The following ANKS6 variants were observed in gnomAD, a reference collection of about 807,000 sequenced individuals.
ANKS6 encodes the protein ankyrin repeat and SAM domain-containing protein 6.
In ANKS6, 47 loss-of-function variants were observed where a neutral mutation model predicts 77.9. The observed-to-expected ratio is 0.60, with a 90% confidence interval of 0.48 to 0.77. ANKS6 has a LOEUF of 0.77. Ranked by LOEUF, ANKS6 falls within the 30% of genes least tolerant of loss-of-function variation. The pLI is 0.00. For missense variants in ANKS6, 1,150 were observed against 1,159.1 expected (o/e 0.99, Z 0.11); for synonymous variants, 488 against 501.7 (o/e 0.97, Z 0.37).
intron 10 of ANKS6, 118 bp from the exon 11 acceptor site, chr9:98,768,368 T>C (rs1036016150): frequency 3.1e-6 from 4 of 1,286,160 alleles, no homozygotes; most frequent in Admixed American, 3.9e-5. Flanking sequence ...CCCTTCCCCA[T>C]GTGGCTCCAG....
chr9:98,745,864 C>T (rs1832100871), intron 13 of ANKS6, among the ~76,000 whole-genome samples, 189 bp from the exon 14 acceptor site: 1 of 152,178 alleles, frequency 6.6e-6, no homozygotes, highest in South Asian at 2.1e-4. Flanking sequence ...GAACTCTCCT[C>T]AGATCTGGCT....
chr9:98,796,217 G>C lies in ANKS6; in HGVS notation c.275C>G (p.Pro92Arg). The C allele has an allele frequency of 7.1e-7, 1 of 1,414,390 alleles. No homozygotes were observed. The highest frequency in any genetic ancestry group is 9.2e-7 in the Non-Finnish European group (1 of 1,082,998). The allele number at this position is 1,414,390 out of a possible 1,614,324, so 87.6% of individuals were successfully genotyped here. ...GCGGCGCAGCAGGAAGCGCACCAGC[G>C]GTTCGTGGCCCCCGGCCGCGGCGAA... ...LQFAAAGGHEPLVRFLLRRGA... is the reference protein window; with the variant it reads ...LQFAAAGGHERLVRFLLRRGA... Residue 92 changes from proline (P) to arginine (R), a missense_variant, in exon 1 of 15, where the codon CCG becomes CGG. Coordinates refer to ENST00000353234, the MANE Select transcript of ANKS6 (RefSeq NM_173551.5).
chr9:98,773,274 T>G (rs1833737243), intron 9 of ANKS6, among the ~76,000 whole-genome samples: 1 of 152,188 alleles, frequency 6.6e-6, no homozygotes, highest in Non-Finnish European at 1.5e-5. Context: ...GTTTCTCCAA[T>G]CACCCAGCAC....
At chr9:98,741,439 C>CA (rs537910588) in intron 14 of ANKS6, among the ~76,000 whole-genome samples, 14 of 151,614 alleles carry the variant, frequency 9.2e-5, no homozygotes, top group Admixed American at 4.6e-4. Context: ...AAAGAAAAAA[C>CA]AAAAAAAAGG....
chr9:98,774,597 G>A lies in ANKS6; in HGVS notation c.1618-517C>T, dbSNP rs568048830. On this transcript the variant is annotated intron_variant, in intron 8 of 14. Coordinates refer to ENST00000353234, the MANE Select transcript of ANKS6 (RefSeq NM_173551.5). ...AGACCAGCATGAGCAGCCATTGGGA[G>A]TGAAGAAGGAAGCAGGAGGTGATAA... Among the ~76,000 whole-genome samples the A allele has an allele frequency of 2.0e-5, 3 of 152,320 alleles. No homozygotes were observed. In the East Asian group the frequency reaches 5.8e-4, roughly 29 times the overall value.
intron 1 of ANKS6, among the ~76,000 whole-genome samples, chr9:98,795,120 G>C (rs1835104399): frequency 1.3e-5 from 2 of 152,078 alleles, no homozygotes; most frequent in Non-Finnish European, 1.5e-5. Context: ...CCCTCCCCAA[G>C]GGCCAGTCGT....
intron 12 of ANKS6, among the ~76,000 whole-genome samples, chr9:98,752,300 G>A (rs1832473419): frequency 6.6e-6 from 1 of 152,236 alleles, no homozygotes; most frequent in South Asian, 2.1e-4. Context: ...GCATTAGGCA[G>A]CATCCAGACA....
rs146250107 is a variant in ANKS6, at chr9:98,771,683, C to T, written c.1822-637G>A. On this transcript the variant is annotated intron_variant, in intron 9 of 14. Transcript: ENST00000353234. ...GCCTTTGCCCAGGCAGTCTGTTCTA[C>T]ATGGACCCGGCGGCTCCCCCCCATC... Among the ~76,000 whole-genome samples, 356 of 152,248 alleles carry T rather than the reference C, an allele frequency of 2.3e-3. 1 individual carries two copies. The highest frequency in any genetic ancestry group is 8.3e-3 in the African/African-American group (344 of 41,518).
intron 10 of ANKS6, among the ~76,000 whole-genome samples, chr9:98,768,540 G>A (rs764836832): frequency 4.6e-5 from 7 of 152,112 alleles, no homozygotes; most frequent in Non-Finnish European, 8.8e-5. Flanking sequence ...AGCTTGTGCC[G>A]GCCCCCACCA....
chr9:98,767,992 C>T (rs1261383671), intron 11 of ANKS6, 89 bp downstream of exon 11: 8 of 1,484,726 alleles, frequency 5.4e-6, no homozygotes, highest in Non-Finnish European at 6.3e-6. Flanking sequence ...TGTCCCATGA[C>T]TAAGGCACTG....
At chr9:98,779,714 A>T (rs1834126566) in intron 6 of ANKS6, among the ~76,000 whole-genome samples, 1 of 151,746 alleles carries the variant, frequency 6.6e-6, no homozygotes, top group Non-Finnish European at 1.5e-5. Flanking sequence ...CCCAGGCTGG[A>T]GTGCAGTGGC....
At chr9:98,780,380 T>G (rs773320514) in intron 5 of ANKS6, 43 bp from the exon 6 acceptor site, 91 of 1,537,522 alleles carry the variant, frequency 5.9e-5, no homozygotes, top group Non-Finnish European at 7.7e-5. Context: ...AATATGTCTG[T>G]TGGGCCATAA....
chr9:98,750,248 G>A (rs1280695750), intron 13 of ANKS6, among the ~76,000 whole-genome samples: 1 of 145,378 alleles, frequency 6.9e-6, no homozygotes, highest in Non-Finnish European at 1.5e-5. Flanking sequence ...TGCCTAGCCT[G>A]GACATTTCAT....
chr9:98,740,136 T>G (rs1831743725), intron 14 of ANKS6, among the ~76,000 whole-genome samples: 1 of 152,178 alleles, frequency 6.6e-6, no homozygotes, highest in African/African-American at 2.4e-5. Context: ...AAAAATCCAC[T>G]GAATGAGCCC....
rs777640019 is a variant in ANKS6, at chr9:98,756,473, T to C, written c.2273A>G (p.His758Arg). The change falls in exon 12 of 15, where the codon CAT becomes CGT. Residue 758 changes from histidine (H) to arginine (R), a missense_variant. Transcript: ENST00000353234. ...GCCCCCACTGCTCTTGGACTGCCGA[T>C]GGGATGACGAGGAAGACACTGAGGA... ...AESSVSSSSS[H>R]RQSKSSGGSS... The C allele has an allele frequency of 3.1e-6, 5 of 1,613,622 alleles. No individual in the cohort carries two copies. Among genetic ancestry groups the C allele is most frequent in the South Asian group, 2.2e-5 (2 of 91,064 alleles).
intron 12 of ANKS6, among the ~76,000 whole-genome samples, chr9:98,752,992 G>A (rs1045864192): frequency 6.6e-6 from 1 of 151,752 alleles, no homozygotes. Flanking sequence ...TGCTCCTGCT[G>A]TTCCCTACAC....
Position 98,735,066 on chromosome 9 carries a change from G to A in ANKS6, c.*1453C>T. On this transcript the variant is annotated 3_prime_UTR_variant, in exon 15 of 15. Coordinates refer to ENST00000353234, the MANE Select transcript of ANKS6 (RefSeq NM_173551.5). ...ACAGATGAGAGATGGCACCTCCCAAGGAGACCAACTTGTGGCTCAGCATGG... is the reference window on the plus strand; with the variant it reads ...ACAGATGAGAGATGGCACCTCCCAAAGAGACCAACTTGTGGCTCAGCATGG... 1 of 985,414 alleles carries A rather than the reference G, an allele frequency of 1.0e-6. No homozygotes were observed. Among genetic ancestry groups the A allele is most frequent in the Non-Finnish European group, 1.2e-6 (1 of 829,928 alleles). The allele number at this position is 985,414 out of a possible 1,614,324, so 61.0% of individuals were successfully genotyped here.
rs1438242115 is a variant in ANKS6 at position 98,783,962 on chromosome 9, G to A, written c.1103C>T (p.Thr368Ile). ...VHGWTALMQATYHGNKEIVKY... is the reference protein window; with the variant it reads ...VHGWTALMQAIYHGNKEIVKY... ...TGGGGCTGGCACTGACCCATGGTAG[G>A]TTGCCTGCATGAGGGCCGTCCAGCC... The change falls in exon 4 of 15, where the codon ACC becomes ATC. Residue 368 changes from threonine to isoleucine, a missense_variant. By Grantham distance (89) the Thr-to-Ile change is moderately conservative (BLOSUM62 -1). Coordinates refer to ENST00000353234, the MANE Select transcript of ANKS6 (RefSeq NM_173551.5). The A allele has an allele frequency of 6.3e-7, 1 of 1,594,028 alleles. No homozygotes were observed.
At chr9:98,767,023 C>T (rs1254547380) in intron 11 of ANKS6, among the ~76,000 whole-genome samples, 3 of 152,146 alleles carry the variant, frequency 2.0e-5, no homozygotes, top group Non-Finnish European at 4.4e-5. Flanking sequence ...GACTAGGAAC[C>T]CGCACTCTGG....
Sources: allele counts gnomAD v4.1 joint callset (sites outside exome capture counted in the v4.1 genomes callset), GRCh38; gene constraint gnomAD v4.1.1; transcripts MANE v1.5; gene names NCBI Gene and HGNC (gene_info 2026-07-23, HGNC 2026-07-21).